GLB1L3: variants seen among roughly 807,000 people sequenced by gnomAD.
GLB1L3 encodes galactosidase beta 1 like 3, also known as beta-galactosidase-1-like protein 3.
A neutral mutation model predicts 89.5 loss-of-function variants in GLB1L3; 89 were observed. The ratio of observed to expected loss-of-function variants is 0.99; its 90% confidence interval spans 0.84 to 1.19. The LOEUF is 1.19. Ranked by LOEUF, GLB1L3 falls within the 50% of genes most tolerant of loss-of-function variation. The pLI, the probability that GLB1L3 is intolerant of heterozygous loss-of-function variation, is 0.00. For synonymous variants in GLB1L3, 314 were observed against 312.3 expected, an observed-to-expected ratio of 1.01 and a Z score of -0.06; for missense variants, 812 against 813.3, an observed-to-expected ratio of 1.00 and a Z score of 0.02.
chr11:134,293,153 G>T lies in GLB1L3; in HGVS notation c.820G>T (p.Ala274Ser). The change falls in exon 9 of 20, where the codon GCC becomes TCC. Residue 274 changes from alanine (A) to serine (S), a missense_variant. Ala to Ser is a moderately conservative substitution (Grantham distance 99, BLOSUM62 1). Transcript: ENST00000431683. ...CTCTCTTCTTTATGCAGTGTTGGCC[G>T]CCATCAATTTGCAAAAACTTCACCA... is the stretch of plus-strand genomic sequence containing the variant. ...LSGHTKGVLA[A>S]INLQKLHQDT... 1 of 1,613,480 alleles carries T rather than the reference G, an allele frequency of 6.2e-7. No homozygotes were observed. Among genetic ancestry groups the T allele is most frequent in the Non-Finnish European group, 8.5e-7 (1 of 1,179,544 alleles).
chr11:134,285,293 A>G (rs535870593), intron 6 of GLB1L3, among the ~76,000 whole-genome samples: 6 of 152,150 alleles, frequency 3.9e-5, no homozygotes, highest in Non-Finnish European at 7.4e-5. Flanking sequence ...CATTTTTACC[A>G]TGGCAACCTA....
At chr11:134,288,377 G>A (rs751564718) in intron 6 of GLB1L3, among the ~76,000 whole-genome samples, 1 of 152,188 alleles carries the variant, frequency 6.6e-6, no homozygotes, top group Non-Finnish European at 1.5e-5. Flanking sequence ...AAGGTCAAAG[G>A]CACGGAGGGG....
chr11:134,286,116 C>T (rs576960764), intron 6 of GLB1L3, among the ~76,000 whole-genome samples: 37 of 152,054 alleles, frequency 2.4e-4, no homozygotes, highest in African/African-American at 8.7e-4. Context: ...ACCATGTTGC[C>T]CAGGCTGATC....
chr11:134,314,446 G>T lies in GLB1L3; in HGVS notation c.1779+5G>T, dbSNP rs1192037531. On this transcript the variant is annotated splice_donor_5th_base_variant and intron_variant, in intron 18 of 19. Transcript: ENST00000431683. ...GACACCTTCCTGAGCCTGCTGGTAG[G>T]TGATGCCCTCTGCTGCCCTGGTGTT... is the stretch of plus-strand genomic sequence containing the variant. 1 of 1,526,726 alleles carries T rather than the reference G, an allele frequency of 6.5e-7. No homozygotes were observed. Among genetic ancestry groups the T allele is most frequent in the South Asian group, 1.2e-5 (1 of 83,536 alleles). 94.6% of individuals were successfully genotyped at this position (1,526,726 alleles called of 1,614,324 possible). A position where few individuals can be genotyped will look rare whatever the true frequency, so the allele number is the denominator to read the frequency against.
chr11:134,298,105 A>G (rs1046075684), intron 9 of GLB1L3, among the ~76,000 whole-genome samples: 2 of 151,192 alleles, frequency 1.3e-5, no homozygotes, highest in African/African-American at 4.9e-5. Flanking sequence ...TACCTTTAGA[A>G]TTTTCTGTTT....
At chr11:134,282,167 G>T in intron 5 of GLB1L3, 47 bp downstream of exon 5, 2 of 1,503,786 alleles carry the variant, frequency 1.3e-6, no homozygotes, top group South Asian at 1.3e-5. Context: ...TGAAGTATTT[G>T]CTTTAAAAAA....
chr11:134,276,703 A>C lies in GLB1L3; in HGVS notation c.-38A>C, dbSNP rs1940384349. On this transcript the variant is annotated 5_prime_UTR_variant, in exon 1 of 20. Coordinates refer to ENST00000431683, the MANE Select transcript of GLB1L3 (RefSeq NM_001080407.3). ...CGTCGGGGCCAGCGGAGAGGGGCGG[A>C]AGCCGCAAGGGACCCTCGGCGCCTC... 1 of 1,426,390 alleles carries C rather than the reference A, an allele frequency of 7.0e-7. No homozygotes were observed. Among genetic ancestry groups the C allele is most frequent in the African/African-American group, 1.5e-5 (1 of 67,394 alleles). The allele number at this position is 1,426,390 out of a possible 1,614,324, so 88.4% of individuals were successfully genotyped here. A position where few individuals can be genotyped will look rare whatever the true frequency, so the allele number is the denominator to read the frequency against.
rs1303951371 is a variant in GLB1L3, at chr11:134,305,247, G to A, written c.877-1877G>A. The A allele has an allele frequency of 4.0e-6, 3 of 747,724 alleles. 1 individual carries two copies. The highest frequency in any genetic ancestry group is 7.2e-6 in the Non-Finnish European group (3 of 416,300). The allele number at this position is 747,724 out of a possible 1,614,324, so 46.3% of individuals were successfully genotyped here. A position where few individuals can be genotyped will look rare whatever the true frequency, so the allele number is the denominator to read the frequency against. The stretch of plus-strand genomic sequence containing the variant: ...TCTGATGCACTGAATTATGTAAAGT[G>A]CATTCCCTTCACCAGCTTGTGCACC... On this transcript the variant is annotated intron_variant, in intron 9 of 19. Coordinates refer to ENST00000431683, the MANE Select transcript of GLB1L3 (RefSeq NM_001080407.3).
intron 9 of GLB1L3, among the ~76,000 whole-genome samples, chr11:134,293,771 C>T (rs1257966466): frequency 6.6e-6 from 1 of 152,104 alleles, no homozygotes; most frequent in Non-Finnish European, 1.5e-5. Context: ...TCTCCACAGC[C>T]TAGCTAGAGT....
At chr11:134,308,259 C>CCACCAT (rs1942359002) in intron 10 of GLB1L3, among the ~76,000 whole-genome samples, 1 of 31,418 alleles carries the variant, frequency 3.2e-5, no homozygotes, top group Non-Finnish European at 6.2e-5. Flanking sequence ...ACCATCACCA[C>CCACCAT]CACCACCACC....
chr11:134,285,060 C>G (rs921493051), intron 6 of GLB1L3, among the ~76,000 whole-genome samples: 2 of 151,146 alleles, frequency 1.3e-5, no homozygotes, highest in African/African-American at 4.9e-5. Context: ...TCCCAAGTAG[C>G]TGGGACTACA....
chr11:134,302,800 G>T (rs759239451), intron 9 of GLB1L3, among the ~76,000 whole-genome samples: 5 of 152,114 alleles, frequency 3.3e-5, no homozygotes, highest in Non-Finnish European at 4.4e-5. Flanking sequence ...AATGTATTTT[G>T]CGGTACTGGG....
downstream of GLB1L3, among the ~76,000 whole-genome samples, chr11:134,320,451 C>T (rs1943151387): frequency 6.6e-6 from 1 of 152,118 alleles, no homozygotes; most frequent in Non-Finnish European, 1.5e-5. Flanking sequence ...ATCTTGAGTA[C>T]ATATTATATT....
At position 134,276,504 on chromosome 11, in the gene GLB1L3, C is replaced by A; in HGVS notation, c.-237C>A. ...CGCGCCCGGACGCACTGCGGGAACACCTGGAGCGCCGGCGGAGCTCGGCTG... is the reference window on the plus strand; with the variant it reads ...CGCGCCCGGACGCACTGCGGGAACAACTGGAGCGCCGGCGGAGCTCGGCTG... On this transcript the variant is annotated 5_prime_UTR_variant, in exon 1 of 20. Coordinates refer to ENST00000431683, the MANE Select transcript of GLB1L3 (RefSeq NM_001080407.3). 2.6e-6 allele frequency: 1 copy of A among 380,452 alleles called. No individual in the cohort carries two copies. Among genetic ancestry groups the A allele is most frequent in the South Asian group, 1.2e-4 (1 of 8,134 alleles). The allele number at this position is 380,452 out of a possible 1,614,324, so 23.6% of individuals were successfully genotyped here. A position where few individuals can be genotyped will look rare whatever the true frequency, so the allele number is the denominator to read the frequency against.
At chr11:134,314,763 A>G (rs542270251) in intron 18 of GLB1L3, among the ~76,000 whole-genome samples, 4 of 152,356 alleles carry the variant, frequency 2.6e-5, no homozygotes, top group South Asian at 2.1e-4. Flanking sequence ...ACATTTTTAT[A>G]TATAACTTTG....
At chr11:134,296,988 A>T (rs1219879244) in intron 9 of GLB1L3, among the ~76,000 whole-genome samples, 1 of 152,056 alleles carries the variant, frequency 6.6e-6, no homozygotes, top group Non-Finnish European at 1.5e-5. Flanking sequence ...CTGCCTACTC[A>T]TTCCATCAAT....
intron 9 of GLB1L3, among the ~76,000 whole-genome samples, chr11:134,295,769 C>G (rs986924461): frequency 3.3e-5 from 5 of 152,128 alleles, no homozygotes; most frequent in African/African-American, 1.2e-4. Flanking sequence ...TCTGTATGTA[C>G]TAGTTTTGCT....
rs755481155 is a variant in GLB1L3 at position 134,312,299 on chromosome 11, TC to T, written c.1288-48del. 1.5e-4 allele frequency: 235 copies of T among 1,597,782 alleles called. 1 individual carries two copies. In the South Asian group the frequency reaches 2.6e-3, roughly 18 times the overall value. On this transcript the variant is annotated intron_variant, in intron 13 of 19. Transcript: ENST00000431683. Reference sequence around the variant, plus strand: ...AATGACAGGGTCTTAGGAAGGAGGATCCTGACTGCTCAGCCCTTGGACTTCT... The same window carrying T: ...AATGACAGGGTCTTAGGAAGGAGGATCTGACTGCTCAGCCCTTGGACTTCT...
chr11:134,308,470 CCAAATACCACCACCACCAT>C (rs1198286712), intron 10 of GLB1L3, among the ~76,000 whole-genome samples: 966 of 9,262 alleles, frequency 0.1, 63 homozygotes, highest in Admixed American at 0.13. Context: ...ACCACCACCA[CCAAATACCACCACCACCAT>C]CACCACCAAA....
Sources: gnomAD v4.1 joint callset for allele counts (sites outside exome capture counted in the v4.1 genomes callset) on GRCh38, gnomAD v4.1.1 for gene constraint, MANE v1.5 for transcripts, NCBI Gene and HGNC (gene_info 2026-07-23, HGNC 2026-07-21) for gene names.